RPS29: variants seen among roughly 807,000 people sequenced by gnomAD.
RPS29 encodes the protein ribosomal protein S29, also known as small ribosomal subunit protein uS14.
For synonymous variants in RPS29, 37 were observed against 26.9 expected (o/e 1.37, Z -1.16); for missense variants, 60 against 75.7 (o/e 0.79, Z 0.77).
At chr14:49,596,392 T>A (rs866345191) in intron 1 of RPS29, among the ~76,000 whole-genome samples, 10 of 152,152 alleles carry the variant, frequency 6.6e-5, no homozygotes, top group African/African-American at 2.4e-4. Flanking sequence ...AGGATAGAGA[T>A]CAAGGGGCAG....
At chr14:49,588,785 T>C (rs1455929352), upstream of RPS29, among the ~76,000 whole-genome samples, 4 of 150,270 alleles carry the variant, frequency 2.7e-5, no homozygotes, top group Non-Finnish European at 5.9e-5. Context: ...CACCTCAGCC[T>C]CCCAAACTGC....
chr14:49,587,125 T>C (rs1294588720), upstream of RPS29, among the ~76,000 whole-genome samples: 1 of 152,138 alleles, frequency 6.6e-6, no homozygotes. Context: ...TTCAAATTTA[T>C]TTTTTTGACA....
chr14:49,572,227 G>A (rs543075470), exon 3 of RPS29: 1 of 152,368 alleles, frequency 6.6e-6, no homozygotes, highest in South Asian at 2.1e-4. Flanking sequence ...TCAGATTACA[G>A]GTGTGAGCCA....
rs781236052 is a variant in RPS29 at position 49,586,370 on chromosome 14, G to C, written c.-24C>G. The C allele has an allele frequency of 6.2e-7, 1 of 1,610,106 alleles. No homozygotes were observed. Among genetic ancestry groups the C allele is most frequent in the Non-Finnish European group, 8.5e-7 (1 of 1,176,262 alleles). On this transcript the variant is annotated 5_prime_UTR_variant, in exon 1 of 3. Transcript: ENST00000245458. Reference sequence around the variant, plus strand: ...ATCTTGCTCTCAGCAGTGCAACGAGGTAAAAGGAAGAAGCTGGCCCACGCA... The same window carrying C: ...ATCTTGCTCTCAGCAGTGCAACGAGCTAAAAGGAAGAAGCTGGCCCACGCA...
upstream of RPS29, among the ~76,000 whole-genome samples, chr14:49,588,538 T>C (rs986809313): frequency 6.6e-6 from 1 of 151,962 alleles, no homozygotes; most frequent in Non-Finnish European, 1.5e-5. Flanking sequence ...TTTTTTTCCT[T>C]TTTTTTTGAG....
chr14:49,576,094 C>G (rs956845900), exon 3 of RPS29: 2 of 150,616 alleles, frequency 1.3e-5, no homozygotes, highest in Non-Finnish European at 2.9e-5. Flanking sequence ...TCTACATTAA[C>G]CTTCCTGAGA....
At chr14:49,583,838 C>T (rs1181354538) in intron 2 of RPS29, among the ~76,000 whole-genome samples, 163 bp from the exon 3 acceptor site, 1 of 152,196 alleles carries the variant, frequency 6.6e-6, no homozygotes, top group Non-Finnish European at 1.5e-5. Flanking sequence ...TTACTGAATG[C>T]CTACTCCAGA....
chr14:49,594,558 G>A (rs1297535152), intron 1 of RPS29, among the ~76,000 whole-genome samples: 1 of 152,192 alleles, frequency 6.6e-6, no homozygotes, highest in Non-Finnish European at 1.5e-5. Context: ...GCAGAACTTA[G>A]AGGAGTGAAA....
chr14:49,574,345 T>A (rs964254904), exon 3 of RPS29: 10 of 152,206 alleles, frequency 6.6e-5, no homozygotes, highest in African/African-American at 9.7e-5. Context: ...CCATTTTTTT[T>A]ATTTCATCGC....
At chr14:49,594,327 G>T (rs1277268407) in intron 1 of RPS29, among the ~76,000 whole-genome samples, 1 of 151,432 alleles carries the variant, frequency 6.6e-6, no homozygotes, top group East Asian at 1.9e-4. Context: ...TGGGGGACAG[G>T]GTGTGAACCT....
intron 2 of RPS29, among the ~76,000 whole-genome samples, chr14:49,584,860 T>G (rs970008114): frequency 2.0e-5 from 3 of 151,730 alleles, no homozygotes; most frequent in African/African-American, 7.3e-5. Context: ...GAGCCAATAA[T>G]AAATTCGTTT....
downstream of RPS29, among the ~76,000 whole-genome samples, chr14:49,578,922 C>T (rs142137569): frequency 3.3e-5 from 5 of 152,276 alleles, no homozygotes; most frequent in Admixed American, 6.5e-5. Context: ...GACATACTAC[C>T]TGGTTGAATC....
chr14:49,589,040 G>A (rs1428543595), upstream of RPS29, among the ~76,000 whole-genome samples: 45 of 151,682 alleles, frequency 3.0e-4, no homozygotes. Context: ...TACAGCGCCC[G>A]CCACCATGCC....
upstream of RPS29, among the ~76,000 whole-genome samples, chr14:49,588,876 C>CTTT (rs577408713): frequency 0.036 from 3,338 of 92,362 alleles, 705 homozygotes; most frequent in Non-Finnish European, 0.062. Context: ...TTTCTGAGTC[C>CTTT]TTTTTTTTTT....
At position 49,586,333 on chromosome 14, in the gene RPS29, T is replaced by C; in HGVS notation, c.14A>G (p.Gln5Arg). 2 of 1,613,958 alleles carry C rather than the reference T, an allele frequency of 1.2e-6. No individual in the cohort carries two copies. Among genetic ancestry groups the C allele is most frequent in the Non-Finnish European group, 1.7e-6 (2 of 1,179,814 alleles). The stretch of plus-strand genomic sequence containing the variant: ...TTTTCGCGGGTGGCTCCAGTACAGC[T>C]GCTGGTGACCCATCTTGCTCTCAGC... MGHQQLYWSHPRKFG... is the reference protein window; with the variant it reads MGHQRLYWSHPRKFG... Residue 5 changes from glutamine (Q) to arginine (R), a missense_variant, in exon 1 of 3, where the codon CAG (glutamine) becomes CGG (arginine). By Grantham distance (43) the Gln-to-Arg change is conservative. Transcript: ENST00000245458.
At position 49,591,406 on chromosome 14, in the gene RPS29, G is replaced by C. The variant is rs7157952; in HGVS notation, c.-132-4928C>G. ...CAGCTCAGGGCAACCTCCACCTCCCGGCTCAAGCGATTCTCCTGCCTCAGC... is the reference window on the plus strand; with the variant it reads ...CAGCTCAGGGCAACCTCCACCTCCCCGCTCAAGCGATTCTCCTGCCTCAGC... On this transcript the variant is annotated intron_variant, in intron 1 of 3. Transcript: ENST00000556230. Among the ~76,000 whole-genome samples, 1,249 of 151,908 alleles carry C rather than the reference G, an allele frequency of 8.2e-3. 15 individuals carry two copies. The highest frequency in any genetic ancestry group is 0.029 in the African/African-American group (1,190 of 41,406).
At chr14:49,572,679 C>T (rs545418639) in exon 3 of RPS29, 2 of 152,316 alleles carry the variant, frequency 1.3e-5, no homozygotes, top group Admixed American at 6.5e-5. Flanking sequence ...TGTCATCATG[C>T]TTTGCTCCCT....
downstream of RPS29, among the ~76,000 whole-genome samples, chr14:49,582,802 T>C (rs1330991827): frequency 1.3e-5 from 2 of 152,184 alleles, no homozygotes; most frequent in Non-Finnish European, 2.9e-5. Context: ...CTTCATTTAT[T>C]CCATCTCACG....
At chr14:49,588,572 G>A (rs866303875), upstream of RPS29, among the ~76,000 whole-genome samples, 10 of 151,470 alleles carry the variant, frequency 6.6e-5, no homozygotes, top group African/African-American at 2.4e-4. Flanking sequence ...CTGTCGCCCA[G>A]GCTGGAGTGC....
Sources: gnomAD v4.1 joint callset for allele counts (sites outside exome capture counted in the v4.1 genomes callset) on GRCh38, gnomAD v4.1.1 for gene constraint, MANE v1.5 for transcripts, NCBI Gene and HGNC (gene_info 2026-07-23, HGNC 2026-07-21) for gene names.